The following ALKBH1 variants were observed in gnomAD, a reference collection of about 807,000 sequenced individuals.
ALKBH1 encodes nucleic acid dioxygenase ALKBH1.
A neutral mutation model predicts 36.6 loss-of-function variants in ALKBH1; 31 were observed. The ratio of observed to expected loss-of-function variants is 0.85; its 90% CI spans 0.64 to 1.14. ALKBH1 has a LOEUF of 1.14. Ranked by LOEUF, ALKBH1 falls within the 50% of genes most tolerant of loss-of-function variation. The pLI is 0.00. For missense variants in ALKBH1, 490 were observed against 497.3 expected (o/e 0.99, Z 0.14); for synonymous variants, 183 against 186.6 (o/e 0.98, Z 0.16).
intron 2 of ALKBH1, 98 bp downstream of exon 2, chr14:77,704,271 T>A (rs1419485079): frequency 9.3e-6 from 8 of 862,034 alleles, no homozygotes; most frequent in Non-Finnish European, 1.4e-5. Context: ...ATGTGTATCC[T>A]TTGTCTATTT....
At chr14:77,706,671 C>T (rs2080393355) in intron 1 of ALKBH1, among the ~76,000 whole-genome samples, 2 of 152,140 alleles carry the variant, frequency 1.3e-5, no homozygotes, top group South Asian at 4.1e-4. Context: ...TTCTAAAAAG[C>T]ATGTACATAT....
At chr14:77,679,321 G>T (rs1049115667) in intron 4 of ALKBH1, among the ~76,000 whole-genome samples, 1 of 152,114 alleles carries the variant, frequency 6.6e-6, no homozygotes, top group African/African-American at 2.4e-5. Flanking sequence ...AAATAAAGAT[G>T]GTGAGAACTG....
At position 77,705,751 on chromosome 14, in the gene ALKBH1, C is replaced by T. The variant is rs542911755; in HGVS notation, c.184-1274G>A. ...CCCTGAATAGTAAACCTAGGGTCTG[C>T]CTTGCCTTAAAATATATGAAACAGG... On this transcript the variant is annotated intron_variant, in intron 1 of 5. Coordinates refer to ENST00000216489, the MANE Select transcript of ALKBH1 (RefSeq NM_006020.3). Among the ~76,000 whole-genome samples, 30 of 152,192 alleles carry T rather than the reference C, an allele frequency of 2.0e-4. No homozygotes were observed. The East Asian group carries it at 5.8e-3, about 29-fold the overall frequency.
intron 2 of ALKBH1, among the ~76,000 whole-genome samples, chr14:77,702,201 TGA>T: frequency 6.6e-6 from 1 of 152,070 alleles, no homozygotes; most frequent in East Asian, 1.9e-4. Context: ...CTTGGGAGGC[TGA>T]GAGAGGAGAA....
chr14:77,677,545 A>C (rs2080212652), intron 4 of ALKBH1, among the ~76,000 whole-genome samples: 1 of 152,134 alleles, frequency 6.6e-6, no homozygotes, highest in East Asian at 1.9e-4. Context: ...CAGAAAATCT[A>C]CTTTTGTCTC....
At position 77,707,956 on chromosome 14, in the gene ALKBH1, CAGTCGCCAG is replaced by C. The variant is rs1566819964; in HGVS notation, c.40_48del (p.Leu14_Thr16del). On this transcript the variant is annotated inframe_deletion, in exon 1 of 6. Coordinates refer to ENST00000216489, the MANE Select transcript of ALKBH1 (RefSeq NM_006020.3). ...TTCCGAAAGGCGTCCTCCCCGGGCT[CAGTCGCCAG>C]AGTCGCCACAGAGCCCACGGCCGCT... The C allele has an allele frequency of 1.2e-6, 2 of 1,613,306 alleles. No individual in the cohort carries two copies. The highest frequency in any genetic ancestry group is 1.7e-6 in the Non-Finnish European group (2 of 1,179,914).
At chr14:77,695,813 G>A (rs2080323722) in intron 2 of ALKBH1, among the ~76,000 whole-genome samples, 1 of 152,176 alleles carries the variant, frequency 6.6e-6, no homozygotes, top group South Asian at 2.1e-4. Flanking sequence ...ATTAATAATA[G>A]GCCGGGCGTG....
chr14:77,679,743 T>C (rs1250813547), intron 4 of ALKBH1, 137 bp downstream of exon 4: 1 of 684,590 alleles, frequency 1.5e-6, no homozygotes, highest in Non-Finnish European at 2.4e-6. Flanking sequence ...GTTGAGATTT[T>C]TTAAGGAAAT....
chr14:77,697,730 C>T (rs1019311257), intron 2 of ALKBH1, among the ~76,000 whole-genome samples: 7 of 148,968 alleles, frequency 4.7e-5, no homozygotes, highest in South Asian at 2.1e-4. Context: ...AATTAGAAGC[C>T]GGGCATGGTG....
At chr14:77,678,808 T>C (rs1012822642) in intron 4 of ALKBH1, among the ~76,000 whole-genome samples, 7 of 152,122 alleles carry the variant, frequency 4.6e-5, no homozygotes, top group African/African-American at 7.2e-5. Flanking sequence ...CTAGTCATTA[T>C]AGAGCAGGCA....
intron 3 of ALKBH1, chr14:77,683,171 T>TTTC: frequency 4.6e-6 from 2 of 435,568 alleles, no homozygotes; most frequent in South Asian, 2.6e-5. Flanking sequence ...TTTTTTTTTT[T>TTTC]ACAAACAGTC....
intron 5 of ALKBH1, 25 bp from the exon 6 acceptor site, chr14:77,674,266 C>T (rs2080193007): frequency 6.6e-7 from 1 of 1,520,878 alleles, no homozygotes; most frequent in African/African-American, 1.4e-5. Flanking sequence ...TAAAAACACA[C>T]AACAATAAAA....
At chr14:77,674,294 AT>A in intron 5 of ALKBH1, 53 bp from the exon 6 acceptor site, 1 of 1,461,072 alleles carries the variant, frequency 6.8e-7, no homozygotes, top group Non-Finnish European at 9.0e-7. Context: ...AATTTTGTTT[AT>A]TAACTATGAC....
At chr14:77,675,299 C>T (rs945669290) in intron 5 of ALKBH1, among the ~76,000 whole-genome samples, 1 of 151,242 alleles carries the variant, frequency 6.6e-6, no homozygotes, top group Admixed American at 6.6e-5. Flanking sequence ...CTGGGTGTGG[C>T]GGTGTGCACC....
chr14:77,707,775 C>A lies in ALKBH1; in HGVS notation c.183+47G>T, dbSNP rs780257411. 36 of 1,543,352 alleles carry A rather than the reference C, an allele frequency of 2.3e-5. No individual in the cohort carries two copies. In the African/African-American group the frequency reaches 4.0e-4, roughly 17 times the overall value. ...AGAAGACACGTAAGTCCCTCCAAGACGCGGGGCAAAGCGATGGAGAGACGC... is the reference window on the plus strand; with the variant it reads ...AGAAGACACGTAAGTCCCTCCAAGAAGCGGGGCAAAGCGATGGAGAGACGC... On this transcript the variant is annotated intron_variant, in intron 1 of 5. Coordinates refer to ENST00000216489, the MANE Select transcript of ALKBH1 (RefSeq NM_006020.3).
chr14:77,673,605 TAGGAAC>T lies in ALKBH1; in HGVS notation c.*201_*206del. The T allele has an allele frequency of 1.7e-6, 1 of 584,094 alleles. No homozygotes were observed. The allele number at this position is 584,094 out of a possible 1,614,324, so 36.2% of individuals were successfully genotyped here. On this transcript the variant is annotated 3_prime_UTR_variant, in exon 6 of 6. Transcript: ENST00000216489. ...ACATACATTACAGCCAACATGTAAC[TAGGAAC>T]AGACCATGTCAAACACTTCTCTGAG...
intron 3 of ALKBH1, chr14:77,683,557 T>C: frequency 3.6e-6 from 2 of 554,344 alleles, no homozygotes; most frequent in Non-Finnish European, 6.7e-6. Flanking sequence ...TCCCATTCCC[T>C]TAATGTCGAC....
chr14:77,680,677 C>CTCTCTTTTTTT (rs774703181), intron 3 of ALKBH1, among the ~76,000 whole-genome samples: 11 of 124,336 alleles, frequency 8.8e-5, no homozygotes, highest in African/African-American at 1.6e-4. Context: ...ATTAACTACT[C>CTCTCTTTTTTT]TTTTTTTTTT....
At chr14:77,689,118 C>T (rs941696177) in intron 3 of ALKBH1, among the ~76,000 whole-genome samples, 1 of 152,172 alleles carries the variant, frequency 6.6e-6, no homozygotes, top group East Asian at 1.9e-4. Flanking sequence ...TTTTCATGGC[C>T]GTGCCTCTGA....
Sources: allele counts gnomAD v4.1 joint callset (sites outside exome capture counted in the v4.1 genomes callset), GRCh38; gene constraint gnomAD v4.1.1; transcripts MANE v1.5; gene names NCBI Gene and HGNC (gene_info 2026-07-23, HGNC 2026-07-21).